Variants in STAT5B observed in about 807,000 individuals in gnomAD.
STAT5B encodes signal transducer and activator of transcription 5B, also known as transcription factor STAT5B.
STAT5B carries 21 observed loss-of-function variants against 107.8 expected under a neutral mutation model. The ratio of observed to expected loss-of-function variants is 0.19; its 90% confidence interval spans 0.14 to 0.28. STAT5B has a LOEUF of 0.28. Ranked by LOEUF, STAT5B falls within the 10% of genes least tolerant of loss-of-function variation. The pLI is 1.00. For synonymous variants in STAT5B, 325 were observed against 401.7 expected (o/e 0.81, Z 2.28); for missense variants, 565 against 1,008.2 (o/e 0.56, Z 5.95).
At chr17:42,227,906 A>G (rs1472669947) in intron 2 of STAT5B, among the ~76,000 whole-genome samples, 1 of 152,220 alleles carries the variant, frequency 6.6e-6, no homozygotes, top group Non-Finnish European at 1.5e-5. Flanking sequence ...TCTTTTAAAA[A>G]AAAAAATTTT....
the STAT5B span, among the ~76,000 whole-genome samples, chr17:42,284,860 A>T: frequency 6.6e-6 from 1 of 152,302 alleles, no homozygotes; most frequent in South Asian, 2.1e-4. Context: ...AGCTTTGGGC[A>T]GGTTTCTTTC....
chr17:42,265,886 C>T (rs1045891451), intron 1 of STAT5B, among the ~76,000 whole-genome samples: 4 of 151,978 alleles, frequency 2.6e-5, no homozygotes, highest in South Asian at 2.1e-4. Context: ...ATATGATTAT[C>T]GGCTATTTGT....
At position 42,266,882 on chromosome 17, in the gene STAT5B, A is replaced by G. The variant is rs575230453; in HGVS notation, c.-11+9366T>C. On this transcript the variant is annotated intron_variant, in intron 1 of 18. Coordinates refer to ENST00000293328, the MANE Select transcript of STAT5B (RefSeq NM_012448.4). ...CAATCTCTTCATACATTACAATGAA[A>G]TTAGTATTTTTACTTGATATTTAAA... Among the ~76,000 whole-genome samples, 13 of 152,316 alleles carry G rather than the reference A, an allele frequency of 8.5e-5. No homozygotes were observed. In the South Asian group the frequency reaches 2.3e-3, roughly 27 times the overall value.
intron 3 of STAT5B, among the ~76,000 whole-genome samples, chr17:42,225,469 C>T (rs756403750): frequency 1.3e-5 from 2 of 152,140 alleles, no homozygotes; most frequent in Non-Finnish European, 2.9e-5. Context: ...AATGAGGGGA[C>T]GAGGGACACT....
intron 16 of STAT5B, 53 bp from the exon 17 acceptor site, chr17:42,202,861 G>C (rs2080056731): frequency 3.1e-6 from 5 of 1,606,830 alleles, no homozygotes; most frequent in Non-Finnish European, 3.4e-6. Context: ...ACAAAAATGT[G>C]ATCTTCCTTA....
chr17:42,226,366 C>T (rs764882995), intron 3 of STAT5B, among the ~76,000 whole-genome samples: 1 of 152,152 alleles, frequency 6.6e-6, no homozygotes, highest in Non-Finnish European at 1.5e-5. Context: ...TTCTGGACTG[C>T]AGCGGGGAAA....
intron 1 of STAT5B, among the ~76,000 whole-genome samples, chr17:42,238,934 T>A (rs1459167018): frequency 2.7e-5 from 4 of 149,898 alleles, no homozygotes; most frequent in African/African-American, 4.9e-5. Context: ...GCCCTATGCA[T>A]ACTAAACTCT....
At chr17:42,284,935 G>A in the STAT5B span, among the ~76,000 whole-genome samples, 1 of 152,230 alleles carries the variant, frequency 6.6e-6, no homozygotes, top group Non-Finnish European at 1.5e-5. Flanking sequence ...AGGATCCGTT[G>A]AGTTGAAGAG....
At chr17:42,214,113 A>G in intron 12 of STAT5B, 1 of 703,734 alleles carries the variant, frequency 1.4e-6, no homozygotes, top group Non-Finnish European at 1.7e-6. Flanking sequence ...ACTGTACTCC[A>G]GCCTGGGTGA....
the STAT5B span, among the ~76,000 whole-genome samples, chr17:42,283,685 G>C: frequency 1.3e-5 from 2 of 152,232 alleles, no homozygotes; most frequent in African/African-American, 4.8e-5. Flanking sequence ...CTTCACCCAA[G>C]CTCCGGCAGC....
intron 11 of STAT5B, 122 bp from the exon 12 acceptor site, chr17:42,216,228 A>T: frequency 1.2e-6 from 1 of 837,174 alleles, no homozygotes; most frequent in African/African-American, 1.7e-5. Flanking sequence ...TGTTCCTCTC[A>T]GACACAGAAT....
intron 1 of STAT5B, among the ~76,000 whole-genome samples, chr17:42,274,281 C>CAAAA (rs534342062): frequency 8.0e-5 from 5 of 62,520 alleles, no homozygotes; most frequent in Non-Finnish European, 9.9e-5. Flanking sequence ...GTTTGCTTTA[C>CAAAA]AAAAAAAAAA....
At chr17:42,270,189 A>C (rs1287356675) in intron 1 of STAT5B, among the ~76,000 whole-genome samples, 5 of 152,186 alleles carry the variant, frequency 3.3e-5, no homozygotes, top group African/African-American at 7.2e-5. Context: ...AGCCTGGGTG[A>C]CAGAGCGAGG....
At chr17:42,281,051 G>A (rs554848356), upstream of STAT5B, among the ~76,000 whole-genome samples, 4 of 151,922 alleles carry the variant, frequency 2.6e-5, no homozygotes, top group Admixed American at 1.3e-4. Context: ...GGAGAATGGC[G>A]TGAACCCGGG....
At chr17:42,278,150 A>G (rs548844879), upstream of STAT5B, among the ~76,000 whole-genome samples, 1 of 152,142 alleles carries the variant, frequency 6.6e-6, no homozygotes, top group Admixed American at 6.5e-5. Context: ...CTTCGGTGAC[A>G]TTTGCTTCAG....
At chr17:42,239,440 T>A (rs1459268332) in intron 1 of STAT5B, among the ~76,000 whole-genome samples, 1 of 152,142 alleles carries the variant, frequency 6.6e-6, no homozygotes, top group African/African-American at 2.4e-5. Flanking sequence ...TATACTGCTT[T>A]ATGAATTATT....
At chr17:42,229,180 C>T (rs1203017477) in intron 2 of STAT5B, among the ~76,000 whole-genome samples, 4 of 152,182 alleles carry the variant, frequency 2.6e-5, no homozygotes, top group Non-Finnish European at 4.4e-5. Context: ...GACGAAGTCT[C>T]ACTCTGTCAC....
chr17:42,227,469 C>T, intron 3 of STAT5B, 60 bp downstream of exon 3: 1 of 1,610,092 alleles, frequency 6.2e-7, no homozygotes, highest in South Asian at 1.1e-5. Flanking sequence ...AAGAAAGTCT[C>T]TACAGGAAGA....
chr17:42,222,788 T>G (rs2080241677), intron 5 of STAT5B, among the ~76,000 whole-genome samples: 1 of 151,620 alleles, frequency 6.6e-6, no homozygotes, highest in South Asian at 2.1e-4. Context: ...TTCAAGAGAT[T>G]CTCTTGCCTC....
Sources: gnomAD v4.1 joint callset for allele counts (sites outside exome capture counted in the v4.1 genomes callset) on GRCh38, gnomAD v4.1.1 for gene constraint, MANE v1.5 for transcripts, NCBI Gene and HGNC (gene_info 2026-07-23, HGNC 2026-07-21) for gene names.